The following RBFOX3 variants were observed in gnomAD, a reference collection of about 807,000 sequenced individuals.
RBFOX3 encodes RNA binding fox-1 homolog 3.
In RBFOX3, 17 loss-of-function variants were observed where a neutral mutation model predicts 48.7. The observed-to-expected ratio is 0.35, with a 90% CI of 0.24 to 0.52. The LOEUF is 0.52. Ranked by LOEUF, RBFOX3 falls within the 20% of genes least tolerant of loss-of-function variation. The pLI, the probability that RBFOX3 is intolerant of heterozygous loss-of-function variation, is 0.94. For missense variants in RBFOX3, 382 were observed against 497.5 expected, an observed-to-expected ratio of 0.77 and a Z score of 2.21; for synonymous variants, 212 against 209.5, an observed-to-expected ratio of 1.01 and a Z score of -0.10.
chr17:79,119,840 G>A (rs58872251), intron 4 of RBFOX3, among the ~76,000 whole-genome samples: 2,981 of 152,288 alleles, frequency 0.02, 96 homozygotes, highest in African/African-American at 0.068. Context: ...ACCTAGAGAA[G>A]TGTCCACACC....
chr17:79,116,431 C>T (rs953386849), intron 4 of RBFOX3, among the ~76,000 whole-genome samples: 2 of 151,812 alleles, frequency 1.3e-5, no homozygotes, highest in African/African-American at 4.8e-5. Context: ...AGGAGAATCA[C>T]TTCAACCTGG....
At chr17:79,382,012 A>G (rs1360915116) in intron 2 of RBFOX3, among the ~76,000 whole-genome samples, 2 of 152,194 alleles carry the variant, frequency 1.3e-5, no homozygotes, top group African/African-American at 4.8e-5. Flanking sequence ...CCCTTCCAAC[A>G]GCAGCCGCCA....
chr17:79,207,630 G>A (rs1269567364), intron 4 of RBFOX3, among the ~76,000 whole-genome samples: 2 of 152,230 alleles, frequency 1.3e-5, no homozygotes, highest in Non-Finnish European at 2.9e-5. Context: ...TCCAGGAACA[G>A]GAAACTTTGG....
chr17:79,146,647 G>C (rs1286462342), intron 4 of RBFOX3, among the ~76,000 whole-genome samples: 1 of 152,240 alleles, frequency 6.6e-6, no homozygotes, highest in Non-Finnish European at 1.5e-5. Flanking sequence ...GCTGGTCTGT[G>C]TGTGACCAGC....
At chr17:79,256,214 T>C (rs1159681531) in intron 3 of RBFOX3, among the ~76,000 whole-genome samples, 1 of 151,962 alleles carries the variant, frequency 6.6e-6, no homozygotes, top group Non-Finnish European at 1.5e-5. Context: ...TTAGCTCTGC[T>C]CCTTCCTGCA....
chr17:79,180,681 G>A (rs996807595), intron 4 of RBFOX3, among the ~76,000 whole-genome samples: 4 of 151,922 alleles, frequency 2.6e-5, no homozygotes, highest in South Asian at 2.1e-4. Context: ...GTTTCTTAAC[G>A]GTTCTGGACC....
At chr17:79,637,672 G>T in the RBFOX3 span, among the ~76,000 whole-genome samples, 13 of 148,464 alleles carry the variant, frequency 8.8e-5, no homozygotes, top group East Asian at 2.7e-3. Flanking sequence ...TCCAGCTTGG[G>T]CAACAAGAGC....
chr17:79,557,542 G>A (rs1336822816), intron 1 of RBFOX3, among the ~76,000 whole-genome samples: 2 of 152,346 alleles, frequency 1.3e-5, no homozygotes, highest in South Asian at 2.1e-4. Context: ...GGGGGGAAAG[G>A]GGGGAAGAGT....
At chr17:79,144,347 G>A (rs1406066205) in intron 4 of RBFOX3, among the ~76,000 whole-genome samples, 3 of 150,870 alleles carry the variant, frequency 2.0e-5, no homozygotes, top group African/African-American at 7.3e-5. Flanking sequence ...GCCACGGAGG[G>A]TGGGGTGGGC....
chr17:79,542,773 A>T (rs1183176622), intron 1 of RBFOX3, among the ~76,000 whole-genome samples: 1 of 152,160 alleles, frequency 6.6e-6, no homozygotes, highest in Non-Finnish European at 1.5e-5. Flanking sequence ...ACAGAGCGGG[A>T]CTCCATCTCA....
At chr17:79,558,265 C>T (rs1383135405) in intron 1 of RBFOX3, among the ~76,000 whole-genome samples, 4 of 152,148 alleles carry the variant, frequency 2.6e-5, no homozygotes, top group African/African-American at 9.7e-5. Flanking sequence ...AGGGGCCTGG[C>T]GCAGGAGCAG....
Position 79,254,979 on chromosome 17 carries a change from G to A in RBFOX3, c.-73-19174C>T, listed in dbSNP as rs745787132. On this transcript the variant is annotated intron_variant, in intron 3 of 14. Coordinates refer to ENST00000693108, the MANE Select transcript of RBFOX3 (RefSeq NM_001350451.2). The surrounding 1 kb of genome is among the most constrained non-coding windows in gnomAD (Gnocchi z 4.8). Reference sequence around the variant, plus strand: ...ATGTGCCCTGAGCCCTCTATCCTGGGCAGGAACTGTGGGTCAGAGCGGAGG... The same window carrying A: ...ATGTGCCCTGAGCCCTCTATCCTGGACAGGAACTGTGGGTCAGAGCGGAGG... 6.6e-6 allele frequency among the ~76,000 whole-genome samples: 1 copy of A among 152,182 alleles called. No individual in the cohort carries two copies. The highest frequency in any genetic ancestry group is 1.5e-5 in the Non-Finnish European group (1 of 68,034).
chr17:79,656,698 AAGGAAGGAAG>A, the RBFOX3 span, among the ~76,000 whole-genome samples: 3 of 19,788 alleles, frequency 1.5e-4, no homozygotes, highest in East Asian at 3.9e-3. Flanking sequence ...GGAAGGAAGG[AAGGAAGGAAG>A]GAGAGAGAGA....
chr17:79,437,306 A>G (rs1290891469), intron 2 of RBFOX3, among the ~76,000 whole-genome samples: 1 of 152,154 alleles, frequency 6.6e-6, no homozygotes, highest in Admixed American at 6.5e-5. Flanking sequence ...TGTCCGTTCC[A>G]AGCTCCAGCC....
intron 4 of RBFOX3, chr17:79,132,739 A>T (rs2039264662): frequency 6.6e-6 from 1 of 152,204 alleles, no homozygotes; most frequent in African/African-American, 2.4e-5. Context: ...GAGAACCTCG[A>T]GAGCAGCAAC....
chr17:79,443,293 G>T lies in RBFOX3; in HGVS notation c.-175+39161C>A, dbSNP rs1555736164. Among the ~76,000 whole-genome samples, 1 of 152,226 alleles carries T rather than the reference G, an allele frequency of 6.6e-6. No individual in the cohort carries two copies. The highest frequency in any genetic ancestry group is 1.5e-5 in the Non-Finnish European group (1 of 68,046). On this transcript the variant is annotated intron_variant, in intron 2 of 14. Coordinates refer to ENST00000693108, the MANE Select transcript of RBFOX3 (RefSeq NM_001350451.2). The surrounding 1 kb of genome is among the most constrained non-coding windows in gnomAD (Gnocchi z 4.4). ...CCTCTGCCACCGGCCTCGCCACGGG[G>T]GAGACCAGGCCAAGGCCTTGCCAAA... is the stretch of plus-strand genomic sequence containing the variant.
At chr17:79,108,462 G>A (rs1035285400) in intron 5 of RBFOX3, among the ~76,000 whole-genome samples, 11 of 152,346 alleles carry the variant, frequency 7.2e-5, no homozygotes, top group Non-Finnish European at 1.2e-4. Context: ...GGCATCTGTC[G>A]CGGGCAACCA....
chr17:79,123,140 T>C (rs1426430801), intron 4 of RBFOX3, among the ~76,000 whole-genome samples: 1 of 152,130 alleles, frequency 6.6e-6, no homozygotes, highest in African/African-American at 2.4e-5. Flanking sequence ...AGACCTACTA[T>C]TTGATGGTAT....
At chr17:79,659,807 C>T in the RBFOX3 span, among the ~76,000 whole-genome samples, 1 of 152,160 alleles carries the variant, frequency 6.6e-6, no homozygotes, top group Non-Finnish European at 1.5e-5. Flanking sequence ...ATAGAATACA[C>T]AGATCCCTGG....
Sources: allele counts gnomAD v4.1 joint callset (sites outside exome capture counted in the v4.1 genomes callset), GRCh38; gene constraint gnomAD v4.1.1; non-coding constraint Gnocchi (gnomAD v3.1); transcripts MANE v1.5; gene names NCBI Gene and HGNC (gene_info 2026-07-23, HGNC 2026-07-21).